CTNNA3: variants seen among roughly 807,000 people sequenced by gnomAD.
CTNNA3 encodes the protein catenin alpha 3.
In CTNNA3, 76 loss-of-function variants were observed where a neutral mutation model predicts 95.7. The ratio of observed to expected loss-of-function variants is 0.79; its 90% CI spans 0.66 to 0.96. The LOEUF (loss-of-function observed/expected upper bound fraction) is 0.96. Ranked by LOEUF, CTNNA3 falls within the 40% of genes least tolerant of loss-of-function variation. The pLI, the probability that CTNNA3 is intolerant of heterozygous loss-of-function variation, is 0.00. For synonymous variants in CTNNA3, 431 were observed against 374.4 expected (o/e 1.15, Z -1.74); for missense variants, 1,191 against 1,089.8 (o/e 1.09, Z -1.31).
At chr10:67,150,255 G>C (rs1861029992) in intron 7 of CTNNA3, among the ~76,000 whole-genome samples, 1 of 151,984 alleles carries the variant, frequency 6.6e-6, no homozygotes, top group South Asian at 2.1e-4. Flanking sequence ...ATTTTGATTT[G>C]CAAACATCAC....
intron 16 of CTNNA3, among the ~76,000 whole-genome samples, chr10:65,972,717 C>A (rs77800150): frequency 0.056 from 8,515 of 152,010 alleles, 815 homozygotes; most frequent in African/African-American, 0.19. Flanking sequence ...ATGGAAAAAT[C>A]ATTTCAATTT....
intron 7 of CTNNA3, among the ~76,000 whole-genome samples, chr10:66,955,983 G>T (rs1439434393): frequency 1.3e-5 from 2 of 152,054 alleles, no homozygotes; most frequent in African/African-American, 4.8e-5. Flanking sequence ...GCCAGAAAGG[G>T]GTGCTCAAAT....
chr10:67,200,644 C>T (rs1863604596), intron 6 of CTNNA3, among the ~76,000 whole-genome samples: 1 of 152,136 alleles, frequency 6.6e-6, no homozygotes, highest in South Asian at 2.1e-4. Context: ...CATGCTCAAG[C>T]CATGACCTGC....
chr10:66,619,550 T>C (rs1410993328), intron 10 of CTNNA3, among the ~76,000 whole-genome samples: 2 of 78,706 alleles, frequency 2.5e-5, no homozygotes, highest in Non-Finnish European at 4.8e-5. Context: ...CATCACACTC[T>C]GGGGACTGTT....
At chr10:67,487,909 T>C (rs1388556487) in intron 5 of CTNNA3, among the ~76,000 whole-genome samples, 1 of 152,218 alleles carries the variant, frequency 6.6e-6, no homozygotes, top group African/African-American at 2.4e-5. Context: ...CTCAGAGTTC[T>C]ATGGATGAGG....
intron 9 of CTNNA3, among the ~76,000 whole-genome samples, chr10:66,625,838 T>C (rs1045200118): frequency 1.3e-5 from 2 of 152,152 alleles, no homozygotes; most frequent in Non-Finnish European, 2.9e-5. Flanking sequence ...TTGTGGAGCC[T>C]GGCCTTGTAG....
At chr10:66,620,755 C>A (rs1285057293) in intron 10 of CTNNA3, among the ~76,000 whole-genome samples, 15 of 152,142 alleles carry the variant, frequency 9.9e-5, no homozygotes, top group Admixed American at 9.8e-4. Context: ...TCCAAAGAAG[C>A]AGTTTCCTTC....
intron 1 of CTNNA3, among the ~76,000 whole-genome samples, chr10:67,692,088 C>T (rs1207869257): frequency 7.0e-4 from 102 of 145,680 alleles, no homozygotes; most frequent in Non-Finnish European, 1.1e-3. Flanking sequence ...GCCCCCCGCC[C>T]GGCCAGCTGC....
chr10:67,275,059 C>A (rs554919015), intron 5 of CTNNA3, among the ~76,000 whole-genome samples: 1 of 152,122 alleles, frequency 6.6e-6, no homozygotes, highest in African/African-American at 2.4e-5. Context: ...TTCTGACCAT[C>A]ATGATAATAC....
chr10:67,715,025 G>A (rs1446650455), intron 1 of CTNNA3, among the ~76,000 whole-genome samples: 1 of 152,202 alleles, frequency 6.6e-6, no homozygotes, highest in Non-Finnish European at 1.5e-5. Flanking sequence ...TCAGCAGCAT[G>A]AAAGCAGACT....
intron 15 of CTNNA3, among the ~76,000 whole-genome samples, chr10:66,019,821 T>A (rs766722938): frequency 1.3e-5 from 2 of 152,180 alleles, no homozygotes; most frequent in East Asian, 3.8e-4. Context: ...AATGTTAACT[T>A]TTTTTGTTTT....
intron 15 of CTNNA3, among the ~76,000 whole-genome samples, chr10:66,035,122 T>C (rs2079534649): frequency 6.6e-6 from 1 of 152,114 alleles, no homozygotes; most frequent in Admixed American, 6.6e-5. Context: ...CTATTTCAAA[T>C]TTAAAGAAAA....
At chr10:67,182,034 T>C (rs1412440516) in intron 6 of CTNNA3, among the ~76,000 whole-genome samples, 1 of 151,788 alleles carries the variant, frequency 6.6e-6, no homozygotes, top group East Asian at 1.9e-4. Context: ...CTCAATGAAA[T>C]AAAAGAGGAT....
intron 5 of CTNNA3, among the ~76,000 whole-genome samples, chr10:67,292,383 C>T (rs1177065321): frequency 6.6e-6 from 1 of 152,036 alleles, no homozygotes; most frequent in African/African-American, 2.4e-5. Context: ...ACTTCTGAGA[C>T]CTTCATTTTG....
intron 5 of CTNNA3, among the ~76,000 whole-genome samples, chr10:67,439,690 C>T (rs79985278): frequency 0.017 from 2,655 of 152,212 alleles, 81 homozygotes; most frequent in African/African-American, 0.061. Flanking sequence ...CATTCCAGTC[C>T]GTAGCTCCTG....
chr10:66,164,390 C>G (rs967945071), intron 13 of CTNNA3, among the ~76,000 whole-genome samples: 90 of 152,226 alleles, frequency 5.9e-4, no homozygotes, highest in African/African-American at 2.1e-3. Context: ...CTGTATTGCA[C>G]TATTGGGAAT....
chr10:66,670,897 T>G (rs1441778690), intron 9 of CTNNA3, among the ~76,000 whole-genome samples: 6 of 152,330 alleles, frequency 3.9e-5, no homozygotes, highest in Admixed American at 1.3e-4. Flanking sequence ...TTTCTCTAAA[T>G]GAAGCATTCT....
intron 11 of CTNNA3, among the ~76,000 whole-genome samples, chr10:66,479,877 A>T (rs1839456415): frequency 6.6e-6 from 1 of 151,974 alleles, no homozygotes; most frequent in Non-Finnish European, 1.5e-5. Context: ...TCAATCGAAC[A>T]TCTTTCTGCA....
rs879495922 is a variant in CTNNA3, at chr10:66,345,141, A to C, written c.1732+34011T>G. Among the ~76,000 whole-genome samples, 35 of 152,212 alleles carry C rather than the reference A, an allele frequency of 2.3e-4. 1 individual carries two copies. Among genetic ancestry groups the C allele is most frequent in the Non-Finnish European group, 3.7e-4 (25 of 67,970 alleles). ...TTTCAGGCATAGAAATTTTGCCGGC[A>C]TTCTGAACTACAAATGCTGCTGTTA... On this transcript the variant is annotated intron_variant, in intron 12 of 17. Transcript: ENST00000433211.
Sources: allele counts gnomAD v4.1 joint callset (sites outside exome capture counted in the v4.1 genomes callset), GRCh38; gene constraint gnomAD v4.1.1; transcripts MANE v1.5; gene names NCBI Gene and HGNC (gene_info 2026-07-23, HGNC 2026-07-21).